Variants in SLC22A23 observed in about 807,000 individuals in gnomAD.
SLC22A23 encodes the protein ion transporter protein.
In SLC22A23, 26 loss-of-function variants were observed where a neutral mutation model predicts 61.0. The ratio of observed to expected loss-of-function variants is 0.43; its 90% CI spans 0.31 to 0.59. The LOEUF is 0.59. Ranked by LOEUF, SLC22A23 falls within the 20% of genes least tolerant of loss-of-function variation. The probability of loss-of-function intolerance (pLI) is 0.11; values close to 1 mark genes in which losing one functional copy is unlikely to be tolerated. For synonymous variants in SLC22A23, 430 were observed against 413.9 expected (o/e 1.04, Z -0.47); for missense variants, 796 against 934.7 (o/e 0.85, Z 1.94).
At chr6:3,276,040 A>G (rs1758867261) in intron 9 of SLC22A23, among the ~76,000 whole-genome samples, 3 of 152,250 alleles carry the variant, frequency 2.0e-5, no homozygotes, top group Admixed American at 6.5e-5. Context: ...ACACAGGTCT[A>G]TGCTAATAAC....
At chr6:3,375,382 G>A (rs6926118) in intron 3 of SLC22A23, among the ~76,000 whole-genome samples, 19,741 of 152,212 alleles carry the variant, frequency 0.13, 1,685 homozygotes, top group African/African-American at 0.25. Flanking sequence ...GAAATGGAAT[G>A]TCAGCTACTG....
chr6:3,334,495 G>A lies in SLC22A23; in HGVS notation c.914-10493C>T, dbSNP rs150068401. On this transcript the variant is annotated intron_variant, in intron 3 of 9. Coordinates refer to ENST00000406686, the MANE Select transcript of SLC22A23 (RefSeq NM_015482.2). Reference sequence around the variant, plus strand: ...GCTTTTTAACCAACAGCAGGCATGTGACTTTTTTTTTTTTCAATGAAAAAA... The same window carrying A: ...GCTTTTTAACCAACAGCAGGCATGTAACTTTTTTTTTTTTCAATGAAAAAA... Among the ~76,000 whole-genome samples the A allele has an allele frequency of 2.2e-3, 340 of 151,562 alleles. 1 individual carries two copies. Among genetic ancestry groups the A allele is most frequent in the African/African-American group, 7.6e-3 (314 of 41,340 alleles).
chr6:3,282,221 C>T (rs1314861629), intron 9 of SLC22A23: 2 of 702,480 alleles, frequency 2.8e-6, no homozygotes, highest in East Asian at 2.7e-5. Flanking sequence ...AGAAATTTCA[C>T]TTTCCGTCCT....
At chr6:3,373,214 T>G (rs989870386) in intron 3 of SLC22A23, among the ~76,000 whole-genome samples, 1 of 152,232 alleles carries the variant, frequency 6.6e-6, no homozygotes, top group Non-Finnish European at 1.5e-5. Flanking sequence ...AAGTCTCTAG[T>G]GCGATTCCCT....
chr6:3,355,282 T>C (rs913216680), intron 3 of SLC22A23, among the ~76,000 whole-genome samples: 1 of 152,044 alleles, frequency 6.6e-6, no homozygotes. Flanking sequence ...TTTCTCATCT[T>C]CAAACTGGAA....
At chr6:3,294,263 T>C (rs78820920) in intron 5 of SLC22A23, among the ~76,000 whole-genome samples, 2,845 of 151,976 alleles carry the variant, frequency 0.019, 60 homozygotes, top group African/African-American at 0.048. Context: ...TTGCTTATCT[T>C]ACTACCATTT....
Position 3,317,428 on chromosome 6 carries a change from A to T in SLC22A23, c.1082+6406T>A, listed in dbSNP as rs1762705429. ...TCCATTCTGGCACCTCCTGCCACCTATCTTCCTAGCGCATCTAAGCAGAAT... is the reference window on the plus strand; with the variant it reads ...TCCATTCTGGCACCTCCTGCCACCTTTCTTCCTAGCGCATCTAAGCAGAAT... On this transcript the variant is annotated intron_variant, in intron 4 of 9. Transcript: ENST00000406686. This position sits in a 1 kb window ranked among gnomAD's most constrained non-coding sequence, Gnocchi z 4.4. 6.6e-6 allele frequency among the ~76,000 whole-genome samples: 1 copy of T among 151,990 alleles called. No homozygotes were observed. Among genetic ancestry groups the T allele is most frequent in the African/African-American group, 2.4e-5 (1 of 41,376 alleles).
At chr6:3,338,325 T>G (rs1405342679) in intron 3 of SLC22A23, among the ~76,000 whole-genome samples, 2 of 152,230 alleles carry the variant, frequency 1.3e-5, no homozygotes, top group Non-Finnish European at 2.9e-5. Context: ...CTCCTGTTAA[T>G]CTGCCTTTAT....
intron 3 of SLC22A23, among the ~76,000 whole-genome samples, chr6:3,381,750 T>C (rs564595758): frequency 6.6e-6 from 1 of 152,304 alleles, no homozygotes; most frequent in African/African-American, 2.4e-5. Context: ...GCTAGAACAA[T>C]GCCTGGCAGT....
intron 4 of SLC22A23, among the ~76,000 whole-genome samples, chr6:3,315,325 C>A (rs759725218): frequency 2.6e-5 from 4 of 152,164 alleles, no homozygotes; most frequent in Non-Finnish European, 1.5e-5. Flanking sequence ...GGAACACTGC[C>A]GTGACTGAAG....
At chr6:3,447,583 CTTTT>C (rs757788904) in intron 1 of SLC22A23, among the ~76,000 whole-genome samples, 4 of 113,404 alleles carry the variant, frequency 3.5e-5, no homozygotes, top group South Asian at 2.9e-4. Flanking sequence ...AAGAAACTTT[CTTTT>C]TTTTTTTTTT....
intron 3 of SLC22A23, among the ~76,000 whole-genome samples, chr6:3,346,844 G>C (rs1030578811): frequency 6.6e-6 from 1 of 152,180 alleles, no homozygotes; most frequent in Non-Finnish European, 1.5e-5. Context: ...TGGCAAAGCT[G>C]TCTTGGGTCA....
At chr6:3,358,562 G>C (rs562249077) in intron 3 of SLC22A23, among the ~76,000 whole-genome samples, 1 of 152,140 alleles carries the variant, frequency 6.6e-6, no homozygotes, top group Non-Finnish European at 1.5e-5. Context: ...TGGTTGCCGG[G>C]GGTAGAGGGA....
chr6:3,353,575 G>A (rs182709976), intron 3 of SLC22A23, among the ~76,000 whole-genome samples: 43 of 152,280 alleles, frequency 2.8e-4, no homozygotes, highest in African/African-American at 1.0e-3. Flanking sequence ...AAACAGTTCA[G>A]CTGCAAATCA....
chr6:3,431,592 C>G (rs1770867801), intron 1 of SLC22A23, among the ~76,000 whole-genome samples: 1 of 152,202 alleles, frequency 6.6e-6, no homozygotes, highest in Admixed American at 6.5e-5. Context: ...GCTTTCATCT[C>G]TTAGCTAAAA....
intron 1 of SLC22A23, among the ~76,000 whole-genome samples, chr6:3,418,550 G>A (rs1434062608): frequency 6.6e-6 from 1 of 152,196 alleles, no homozygotes; most frequent in Non-Finnish European, 1.5e-5. Context: ...ACAGTGGAGG[G>A]AGACTGAGTC....
chr6:3,298,332 C>T, intron 4 of SLC22A23, 114 bp from the exon 5 acceptor site: 2 of 1,222,614 alleles, frequency 1.6e-6, no homozygotes, highest in Non-Finnish European at 1.1e-6. Context: ...AGTCTCCAGA[C>T]ACGCATCAGC....
chr6:3,280,456 A>G (rs1581592644), intron 9 of SLC22A23, among the ~76,000 whole-genome samples: 1 of 107,148 alleles, frequency 9.3e-6, no homozygotes, highest in African/African-American at 3.2e-5. Flanking sequence ...GCTACTCAGT[A>G]CTTGTTTTCA....
intron 1 of SLC22A23, among the ~76,000 whole-genome samples, chr6:3,444,268 C>T (rs1420427328): frequency 1.3e-5 from 2 of 152,156 alleles, no homozygotes; most frequent in African/African-American, 2.4e-5. Flanking sequence ...AATAGTGACA[C>T]AAAGAACAAA....
Sources: gnomAD v4.1 joint callset for allele counts (sites outside exome capture counted in the v4.1 genomes callset) on GRCh38, gnomAD v4.1.1 for gene constraint, Gnocchi (gnomAD v3.1) non-coding constraint, MANE v1.5 for transcripts, NCBI Gene and HGNC (gene_info 2026-07-23, HGNC 2026-07-21) for gene names.